Variants in NCOR2 observed in about 807,000 individuals in gnomAD.
NCOR2 encodes CTG repeat protein 26.
A neutral mutation model predicts 262.9 loss-of-function variants in NCOR2; 81 were observed. The ratio of observed to expected loss-of-function variants is 0.31; its 90% CI spans 0.26 to 0.37. NCOR2 has a LOEUF of 0.37. Ranked by LOEUF, NCOR2 falls within the 10% of genes least tolerant of loss-of-function variation. The pLI is 1.00. For synonymous variants in NCOR2, 1,659 were observed against 1,559.3 expected, an observed-to-expected ratio of 1.06 and a Z score of -1.51; for missense variants, 3,385 against 3,621.4, an observed-to-expected ratio of 0.93 and a Z score of 1.68.
Position 124,462,164 on chromosome 12 carries a change from C to T in NCOR2, c.705+4009G>A, listed in dbSNP as rs538646191. Among the ~76,000 whole-genome samples the T allele has an allele frequency of 2.6e-5, 4 of 152,348 alleles. 1 individual carries two copies. The highest frequency in any genetic ancestry group is 4.1e-4 in the South Asian group (2 of 4,828). On this transcript the variant is annotated intron_variant, in intron 5 of 46. Coordinates refer to ENST00000405201, the Ensembl canonical transcript of NCOR2. ...ACACATACATCCACCCGTATACACACGTGTACCCACAGGCACACAAACCAC... is the reference window on the plus strand; with the variant it reads ...ACACATACATCCACCCGTATACACATGTGTACCCACAGGCACACAAACCAC...
intron 1 of NCOR2, among the ~76,000 whole-genome samples, chr12:124,557,364 G>A (rs916012532): frequency 2.0e-5 from 3 of 152,204 alleles, no homozygotes; most frequent in African/African-American, 7.2e-5. Context: ...GCTCTGCGGG[G>A]GAGTCTGTCC....
In NCOR2 at chr12:124,460,874, G is replaced by A. The variant is rs367703576; in HGVS notation, c.706-3712C>T. Among the ~76,000 whole-genome samples the A allele has an allele frequency of 1.2e-4, 18 of 152,198 alleles. No homozygotes were observed. In the East Asian group the frequency reaches 2.5e-3, roughly 21 times the overall value. On this transcript the variant is annotated intron_variant, in intron 5 of 46. Coordinates refer to ENST00000405201, the Ensembl canonical transcript of NCOR2. ...TCGGCCCCTTTGGGGGCCACCTCCC[G>A]ACACTGTCTCCCTGGCTGCCCCTGG...
At chr12:124,465,084 G>A (rs1310406460) in intron 5 of NCOR2, among the ~76,000 whole-genome samples, 2 of 152,182 alleles carry the variant, frequency 1.3e-5, no homozygotes, top group Non-Finnish European at 2.9e-5. Flanking sequence ...CGTGACTCGA[G>A]GCCTCCCCAC....
At chr12:124,370,611 G>A (rs963240549) in intron 20 of NCOR2, among the ~76,000 whole-genome samples, 2 of 152,226 alleles carry the variant, frequency 1.3e-5, no homozygotes, top group Non-Finnish European at 2.9e-5. Context: ...TGAGCAGGAC[G>A]CAGTCTCCGC....
intron 44 of NCOR2, among the ~76,000 whole-genome samples, chr12:124,329,845 A>C (rs948003270): frequency 1.3e-5 from 2 of 152,168 alleles, no homozygotes; most frequent in African/African-American, 4.8e-5. Context: ...TCTAGCACCT[A>C]CTTCAAGATT....
intron 1 of NCOR2, among the ~76,000 whole-genome samples, chr12:124,486,830 C>T (rs140014704): frequency 7.7e-4 from 117 of 152,306 alleles, no homozygotes; most frequent in African/African-American, 2.6e-3. Flanking sequence ...CCCACGATCA[C>T]GCCCACCTTC....
Position 124,346,594 on chromosome 12 carries a change from CG to C in NCOR2, c.4328del (p.Pro1443ArgfsTer50). 1 of 1,577,838 alleles carries C rather than the reference CG, an allele frequency of 6.3e-7. No individual in the cohort carries two copies. On this transcript the variant is annotated frameshift_variant, in exon 31 of 47. Transcript: ENST00000405201. LOFTEE classifies it high-confidence loss of function. The stretch of plus-strand genomic sequence containing the variant: ...TGATGGAGCCCTCCTTGAGCGGCCG[CG>C]GGGCCAGGGGCAGCTCGGGCGTGTG...
Position 124,333,900 on chromosome 12 carries a change from G to A in NCOR2, c.6605+524C>T, listed in dbSNP as rs1405092626. ...TGCGGGTGTGCATGTGTGTGTGCGCGCGCATGTGTGCGGGTGTGCATGTGT... is the reference window on the plus strand; with the variant it reads ...TGCGGGTGTGCATGTGTGTGTGCGCACGCATGTGTGCGGGTGTGCATGTGT... On this transcript the variant is annotated intron_variant, in intron 41 of 46. Coordinates refer to ENST00000405201, the Ensembl canonical transcript of NCOR2. Among the ~76,000 whole-genome samples the A allele has an allele frequency of 1.9e-4, 27 of 142,692 alleles. 1 individual carries two copies. In the East Asian group the frequency reaches 3.0e-3, roughly 16 times the overall value. 93.6% of individuals were successfully genotyped at this position (142,692 alleles called of 152,430 possible). A position where few individuals can be genotyped will look rare whatever the true frequency, so the allele number is the denominator to read the frequency against.
exon 38 of NCOR2, chr12:124,336,869 G>T (rs199623076): frequency 3.0e-5 from 48 of 1,611,032 alleles, no homozygotes; most frequent in Non-Finnish European, 7.6e-6. Context: ...GTGGTGAGGT[G>T]CGAGGTTCTT....
At chr12:124,540,244 G>A (rs1390292250), upstream of NCOR2, among the ~76,000 whole-genome samples, 1 of 150,438 alleles carries the variant, frequency 6.6e-6, no homozygotes, top group Non-Finnish European at 1.5e-5. Context: ...GGGCAGGGAG[G>A]GCCCCCTGCA....
chr12:124,421,798 C>T (rs144268638), intron 12 of NCOR2, among the ~76,000 whole-genome samples: 1 of 152,372 alleles, frequency 6.6e-6, no homozygotes, highest in African/African-American at 2.4e-5. Flanking sequence ...CAGCCACCTT[C>T]TCCCACCTGC....
chr12:124,346,661 G>A (rs1474652241), exon 31 of NCOR2: 8 of 1,584,076 alleles, frequency 5.1e-6, no homozygotes, highest in Middle Eastern at 1.7e-4. Context: ...GGAGCGGCCC[G>A]CCTCCTTCAC....
chr12:124,330,558 C>G (rs1234101580), intron 44 of NCOR2, among the ~76,000 whole-genome samples: 1 of 152,222 alleles, frequency 6.6e-6, no homozygotes, highest in Non-Finnish European at 1.5e-5. Flanking sequence ...GGCGAAGAAG[C>G]AAGGTGAGTT....
At chr12:124,372,392 G>T in exon 20 of NCOR2, 2 of 1,505,896 alleles carry the variant, frequency 1.3e-6, no homozygotes, top group Non-Finnish European at 8.8e-7. Flanking sequence ...GAGGGCGATG[G>T]GGGTGCTGGT....
rs192478441 is a variant in NCOR2, at chr12:124,495,192, C to A, written c.60G>T (p.Pro20=). The change falls in exon 1 of 47, where the codon CCG becomes CCT. Residue 20 remains proline, a synonymous_variant. Coordinates refer to ENST00000405201, the Ensembl canonical transcript of NCOR2. This position sits in a 1 kb window ranked among gnomAD's most constrained non-coding sequence, Gnocchi z 4.4. ...GCACTGGGTAGGAAAGGCTGTGGGG[C>A]GGGTAGCGGGGCTCAGTGGCCCTCC... 6 of 1,613,946 alleles carry A rather than the reference C, an allele frequency of 3.7e-6. No homozygotes were observed. The highest frequency in any genetic ancestry group is 1.3e-5 in the African/African-American group (1 of 75,042).
chr12:124,338,024 T>C (rs1293769928), intron 37 of NCOR2, among the ~76,000 whole-genome samples: 1 of 152,254 alleles, frequency 6.6e-6, no homozygotes, highest in African/African-American at 2.4e-5. Context: ...AGCCAGGGAT[T>C]AGTGCTTCAT....
chr12:124,367,655 CAG>C (rs1221009770), intron 20 of NCOR2, among the ~76,000 whole-genome samples: 6 of 152,096 alleles, frequency 3.9e-5, no homozygotes, highest in Non-Finnish European at 1.5e-5. Flanking sequence ...TTTTTGGAGA[CAG>C]AGTCTTGCTC....
At chr12:124,487,997 G>A (rs377737394) in intron 1 of NCOR2, among the ~76,000 whole-genome samples, 5 of 152,128 alleles carry the variant, frequency 3.3e-5, no homozygotes, top group African/African-American at 7.2e-5. Context: ...GGCTGTTTGC[G>A]GCAATCAGTT....
chr12:124,548,746 G>A lies in NCOR2; in HGVS notation c.-164-13135C>T, dbSNP rs1156671353. Among the ~76,000 whole-genome samples the A allele has an allele frequency of 6.6e-6, 1 of 152,032 alleles. No individual in the cohort carries two copies. The highest frequency in any genetic ancestry group is 1.5e-5 in the Non-Finnish European group (1 of 68,000). ...CCCATGACTGGCTCATGGCCTTTGG[G>A]ACAGTCCTACTCCATAAAAGTCACC... On this transcript the variant is annotated intron_variant, in intron 1 of 32. Coordinates refer to the NCOR2 transcript ENST00000458234. The surrounding 1 kb of genome is among the most constrained non-coding windows in gnomAD (Gnocchi z 5.1).
Sources: gnomAD v4.1 joint callset for allele counts (sites outside exome capture counted in the v4.1 genomes callset) on GRCh38, gnomAD v4.1.1 for gene constraint, Gnocchi (gnomAD v3.1) non-coding constraint, MANE v1.5 for transcripts, NCBI Gene and HGNC (gene_info 2026-07-23, HGNC 2026-07-21) for gene names.